The following CXADR variants were observed in gnomAD, a reference collection of about 807,000 sequenced individuals.
The protein encoded by CXADR is CXADR cell adhesion molecule.
CXADR carries 20 observed loss-of-function variants against 40.3 expected under a neutral mutation model. The ratio of observed to expected loss-of-function variants is 0.50; its 90% CI spans 0.35 to 0.72. CXADR has a LOEUF of 0.72. Among genes scored for constraint, CXADR ranks in the 30% least tolerant of loss-of-function variants. CXADR has a pLI of 0.01. For synonymous variants in CXADR, 150 were observed against 161.3 expected, an observed-to-expected ratio of 0.93 and a Z score of 0.53; for missense variants, 332 against 449.1, an observed-to-expected ratio of 0.74 and a Z score of 2.36.
downstream of CXADR, among the ~76,000 whole-genome samples, chr21:17,598,242 T>C (rs1435118463): frequency 6.6e-6 from 1 of 152,110 alleles, no homozygotes; most frequent in Non-Finnish European, 1.5e-5. Context: ...TCTTTAATCA[T>C]GGAACGGGAG....
At chr21:17,549,733 C>T (rs983641544) in intron 2 of CXADR, among the ~76,000 whole-genome samples, 1 of 152,112 alleles carries the variant, frequency 6.6e-6, no homozygotes, top group Non-Finnish European at 1.5e-5. Context: ...TTTCTCAAGC[C>T]CCCCTTAAAG....
chr21:17,551,869 C>T lies in CXADR; in HGVS notation c.331C>T (p.Gln111Ter). ...GDASINVTNL[Q>*]LSDIGTYQCK... Reference sequence around the variant, plus strand: ...TGCATCAATAAATGTAACGAATTTACAACTGTCAGATATTGGCACATATCA... The same window carrying T: ...TGCATCAATAAATGTAACGAATTTATAACTGTCAGATATTGGCACATATCA... Residue 111 changes from glutamine (Q) to a stop codon, truncating the protein, a stop_gained, in exon 3 of 7, where the codon CAA becomes TAA. Transcript: ENST00000284878. LOFTEE classifies it high-confidence loss of function. The T allele has an allele frequency of 6.2e-7, 1 of 1,613,886 alleles. No individual in the cohort carries two copies. Among genetic ancestry groups the T allele is most frequent in the Non-Finnish European group, 8.5e-7 (1 of 1,179,836 alleles).
the CXADR span, among the ~76,000 whole-genome samples, chr21:17,621,477 T>C: frequency 6.6e-6 from 1 of 152,160 alleles, no homozygotes; most frequent in Non-Finnish European, 1.5e-5. Flanking sequence ...AAGGAAATAA[T>C]AAATTGCTCA....
At chr21:17,546,306 T>C (rs1207840718) in intron 1 of CXADR, among the ~76,000 whole-genome samples, 3 of 152,336 alleles carry the variant, frequency 2.0e-5, no homozygotes, top group Admixed American at 6.5e-5. Flanking sequence ...CATGAATTAA[T>C]GTAGCCTTGA....
At position 17,532,270 on chromosome 21, in the gene CXADR, A is replaced by G. The variant is rs1368640578; in HGVS notation, c.44-14757A>G. On this transcript the variant is annotated intron_variant, in intron 1 of 6. Transcript: ENST00000284878. ...GGTCTCATTCTTTTTTGAGGGCTTG[A>G]TCTTTTAGTCTCTGGTGTTTGGCTA... Among the ~76,000 whole-genome samples, 5 of 152,068 alleles carry G rather than the reference A, an allele frequency of 3.3e-5. No individual in the cohort carries two copies. In the South Asian group the frequency reaches 1.0e-3, roughly 32 times the overall value.
rs111269715 is a variant in CXADR at position 17,546,936 on chromosome 21, A to G, written c.44-91A>G. ...CCAAACCCCGTCCTGTATCCCTCGC[A>G]TCAATGTGCTGCTTCTGAATGGCTG... On this transcript the variant is annotated intron_variant, in intron 1 of 6. Transcript: ENST00000284878. The G allele has an allele frequency of 1.4e-3, 2,013 of 1,482,822 alleles. 15 individuals are homozygous for G. The African/African-American group carries it at 0.014, about 11-fold the overall frequency. The allele number at this position is 1,482,822 out of a possible 1,614,324, so 91.9% of individuals were successfully genotyped here.
At chr21:17,621,203 A>G in the CXADR span, among the ~76,000 whole-genome samples, 1 of 152,242 alleles carries the variant, frequency 6.6e-6, no homozygotes, top group South Asian at 2.1e-4. Context: ...TTCATTCAAT[A>G]GCATTTTCTT....
At chr21:17,572,903 C>T (rs2061290488), downstream of CXADR, among the ~76,000 whole-genome samples, 1 of 152,166 alleles carries the variant, frequency 6.6e-6, no homozygotes, top group South Asian at 2.1e-4. Context: ...GAAGAGTATT[C>T]CGTCAAAGTC....
At chr21:17,558,932 G>A (rs2061070809) in intron 3 of CXADR, 44 bp from the exon 4 acceptor site, 1 of 1,567,430 alleles carries the variant, frequency 6.4e-7, no homozygotes, top group African/African-American at 1.4e-5. Flanking sequence ...ATAAAAGTAA[G>A]TTCCATTCTC....
At chr21:17,629,098 G>T in the CXADR span, among the ~76,000 whole-genome samples, 1 of 152,124 alleles carries the variant, frequency 6.6e-6, no homozygotes, top group Non-Finnish European at 1.5e-5. Context: ...ACAACTTACT[G>T]GGGGTAAGAG....
rs2061194088 is a variant in CXADR, at chr21:17,565,514, C to CT, written c.922dup (p.Ser308PhefsTer12). 1 of 1,613,808 alleles carries CT rather than the reference C, an allele frequency of 6.2e-7. No homozygotes were observed. The highest frequency in any genetic ancestry group is 1.3e-5 in the African/African-American group (1 of 74,904). Reference sequence around the variant, plus strand: ...CATTCATCCCTGGGGTCCATGTCTCCTTCCAACATGGAAGGATATTCCAAG... The same window carrying CT: ...CATTCATCCCTGGGGTCCATGTCTCCTTTCCAACATGGAAGGATATTCCAAG... On this transcript the variant is annotated frameshift_variant, in exon 7 of 7. Transcript: ENST00000284878. LOFTEE classifies it high-confidence loss of function.
At chr21:17,612,199 G>C in the CXADR span, 1 of 152,272 alleles carries the variant, frequency 6.6e-6, no homozygotes, top group Non-Finnish European at 1.5e-5. Flanking sequence ...GGGCCCTGGC[G>C]CCCAATGCCC....
chr21:17,517,279 G>A, intron 1 of CXADR, among the ~76,000 whole-genome samples: 1 of 152,152 alleles, frequency 6.6e-6, no homozygotes, highest in East Asian at 1.9e-4. Context: ...TTACCTCCAA[G>A]TCCTCTTAAA....
At chr21:17,557,265 T>C (rs1370486219) in intron 3 of CXADR, among the ~76,000 whole-genome samples, 1 of 152,234 alleles carries the variant, frequency 6.6e-6, no homozygotes, top group Non-Finnish European at 1.5e-5. Flanking sequence ...TATTGCTGTC[T>C]TTTCTAGTGT....
chr21:17,568,638 G>C lies in CXADR; in HGVS notation c.*2946G>C. On this transcript the variant is annotated 3_prime_UTR_variant, in exon 7 of 7. Coordinates refer to ENST00000284878, the MANE Select transcript of CXADR (RefSeq NM_001338.5). ...ACTGCTGGGCTCAGGAGATCCTCCT[G>C]CCTTGGCCTCCCAAATTGCTGGGAT... 1.0e-6 allele frequency: 1 copy of C among 982,834 alleles called. No individual in the cohort carries two copies. The highest frequency in any genetic ancestry group is 1.8e-5 in the African/African-American group (1 of 56,508). 60.9% of individuals were successfully genotyped at this position (982,834 alleles called of 1,614,324 possible).
At chr21:17,629,445 G>A in the CXADR span, among the ~76,000 whole-genome samples, 27 of 150,742 alleles carry the variant, frequency 1.8e-4, no homozygotes, top group African/African-American at 6.4e-4. Context: ...TATGCCTGTA[G>A]TCCCAGCTAC....
downstream of CXADR, among the ~76,000 whole-genome samples, chr21:17,597,820 A>G (rs1601084576): frequency 6.6e-6 from 1 of 152,306 alleles, no homozygotes; most frequent in Middle Eastern, 3.4e-3. Flanking sequence ...TTATCATACT[A>G]AAAGCTCCAA....
intron 7 of CXADR, among the ~76,000 whole-genome samples, chr21:17,588,111 A>C (rs1478919965): frequency 1.3e-5 from 2 of 152,136 alleles, no homozygotes; most frequent in Non-Finnish European, 2.9e-5. Context: ...TTTGGCACCA[A>C]TACCATGCTG....
chr21:17,609,844 A>C, the CXADR span, among the ~76,000 whole-genome samples: 1 of 152,254 alleles, frequency 6.6e-6, no homozygotes, highest in East Asian at 1.9e-4. Flanking sequence ...ATGAGTACTA[A>C]TACAAGCTAC....
Sources: gnomAD v4.1 joint callset for allele counts (sites outside exome capture counted in the v4.1 genomes callset) on GRCh38, gnomAD v4.1.1 for gene constraint, MANE v1.5 for transcripts, NCBI Gene and HGNC (gene_info 2026-07-23, HGNC 2026-07-21) for gene names.